Variants in HIPK3 observed in about 807,000 individuals in gnomAD.
HIPK3 encodes the protein homeodomain-interacting protein kinase 3.
A neutral mutation model predicts 124.2 loss-of-function variants in HIPK3; 47 were observed. The ratio of observed to expected loss-of-function variants is 0.38; its 90% CI spans 0.30 to 0.48. The LOEUF is 0.48. HIPK3 is among the 20% of genes least tolerant of loss of function. The probability of loss-of-function intolerance (pLI) is 0.98; values close to 1 mark genes in which losing one functional copy is unlikely to be tolerated. For synonymous variants in HIPK3, 482 were observed against 515.2 expected, an observed-to-expected ratio of 0.94 and a Z score of 0.87; for missense variants, 1,286 against 1,454.3, an observed-to-expected ratio of 0.88 and a Z score of 1.88.
In HIPK3 at chr11:33,353,741, G is replaced by A. The variant is rs1177784317; in HGVS notation, c.*173G>A. 4 of 576,938 alleles carry A rather than the reference G, an allele frequency of 6.9e-6. No individual in the cohort carries two copies. The East Asian group carries it at 1.2e-4, about 17-fold the overall frequency. The allele number at this position is 576,938 out of a possible 1,614,324, so 35.7% of individuals were successfully genotyped here. A position where few individuals can be genotyped will look rare whatever the true frequency, so the allele number is the denominator to read the frequency against. ...ACTTTTGATGTGTTTTGCACATTTG[G>A]TATAACTTGTCTTTGGTCATGTTAT... On this transcript the variant is annotated 3_prime_UTR_variant, in exon 17 of 17. Coordinates refer to ENST00000303296, the MANE Select transcript of HIPK3 (RefSeq NM_005734.5).
At chr11:33,338,953 T>C (rs1421965795) in intron 5 of HIPK3, 110 bp downstream of exon 5, 4 of 633,842 alleles carry the variant, frequency 6.3e-6, no homozygotes, top group Non-Finnish European at 1.1e-5. Flanking sequence ...GAGTCCATGC[T>C]GTTTTTAAGT....
chr11:33,258,649 T>C, intron 1 of HIPK3: 1 of 985,236 alleles, frequency 1.0e-6, no homozygotes, highest in Non-Finnish European at 1.2e-6. Context: ...TGGATGAAAA[T>C]GTCTGTTTCT....
chr11:33,258,591 T>C, intron 1 of HIPK3: 1 of 985,394 alleles, frequency 1.0e-6, no homozygotes. Context: ...TTACGGTGGC[T>C]GCCGCCCGCT....
chr11:33,256,800 T>TGA (rs34216605), upstream of HIPK3: 511,020 of 724,752 alleles, frequency 0.71, 181,749 homozygotes, highest in Non-Finnish European at 0.72. Flanking sequence ...GAGATGCTCT[T>TGA]AAAATTTCCA....
intron 1 of HIPK3, among the ~76,000 whole-genome samples, chr11:33,267,786 G>T (rs1851011462): frequency 1.3e-5 from 2 of 152,214 alleles, no homozygotes; most frequent in Admixed American, 6.5e-5. Flanking sequence ...ATGAGCCACC[G>T]TACCCGGCCG....
intron 2 of HIPK3, among the ~76,000 whole-genome samples, chr11:33,301,152 A>G (rs532037117): frequency 1.3e-5 from 2 of 152,296 alleles, no homozygotes; most frequent in African/African-American, 4.8e-5. Context: ...CTCATTAGCC[A>G]CAATATGTTA....
chr11:33,310,397 C>G (rs531363529), intron 2 of HIPK3, among the ~76,000 whole-genome samples: 1 of 152,172 alleles, frequency 6.6e-6, no homozygotes, highest in Non-Finnish European at 1.5e-5. Context: ...CTTCCACATC[C>G]CAGGTTCAAG....
chr11:33,270,584 A>C (rs1474060864), intron 1 of HIPK3, among the ~76,000 whole-genome samples: 1 of 152,264 alleles, frequency 6.6e-6, no homozygotes, highest in Non-Finnish European at 1.5e-5. Flanking sequence ...AACAGTGAAA[A>C]AAATTGGAAA....
At chr11:33,278,460 A>G (rs1032563882) in intron 1 of HIPK3, among the ~76,000 whole-genome samples, 1 of 152,172 alleles carries the variant, frequency 6.6e-6, no homozygotes, top group East Asian at 1.9e-4. Context: ...ACTGTGAGAA[A>G]TAACTGGATC....
At chr11:33,275,061 A>C (rs997053129) in intron 1 of HIPK3, among the ~76,000 whole-genome samples, 1 of 150,582 alleles carries the variant, frequency 6.6e-6, no homozygotes, top group African/African-American at 2.4e-5. Flanking sequence ...TTTTTTTGAG[A>C]TGGAGTCTTG....
chr11:33,278,702 G>T (rs187825868), intron 1 of HIPK3, among the ~76,000 whole-genome samples: 5 of 152,152 alleles, frequency 3.3e-5, no homozygotes, highest in African/African-American at 1.2e-4. Context: ...AAATTAGCCG[G>T]GCGTGGTGGT....
At chr11:33,328,341 G>A (rs1442328505) in intron 2 of HIPK3, among the ~76,000 whole-genome samples, 169 bp from the exon 3 acceptor site, 2 of 152,182 alleles carry the variant, frequency 1.3e-5, no homozygotes, top group Admixed American at 1.3e-4. Context: ...ACCCCTTTCA[G>A]ATTAATTCAG....
chr11:33,303,392 A>G (rs1380333090), intron 2 of HIPK3, among the ~76,000 whole-genome samples: 9 of 152,234 alleles, frequency 5.9e-5, no homozygotes, highest in Admixed American at 5.2e-4. Flanking sequence ...GGTTAAGACC[A>G]TGAGTGTAGA....
intron 2 of HIPK3, among the ~76,000 whole-genome samples, chr11:33,299,431 C>T (rs953117323): frequency 4.2e-4 from 63 of 151,744 alleles, no homozygotes; most frequent in African/African-American, 1.4e-3. Context: ...GAGATCATGC[C>T]ACTGCAATTC....
chr11:33,336,283 G>A (rs1721682852), intron 3 of HIPK3, among the ~76,000 whole-genome samples: 1 of 152,160 alleles, frequency 6.6e-6, no homozygotes, highest in African/African-American at 2.4e-5. Flanking sequence ...CCTGAAGCTG[G>A]AGTTTTTTAG....
At chr11:33,278,205 A>AT (rs1387941855) in intron 1 of HIPK3, among the ~76,000 whole-genome samples, 2 of 152,188 alleles carry the variant, frequency 1.3e-5, no homozygotes, top group African/African-American at 4.8e-5. Flanking sequence ...AAAATTATAA[A>AT]TCTTTATGAA....
intron 2 of HIPK3, among the ~76,000 whole-genome samples, chr11:33,292,107 A>G (rs987641252): frequency 6.6e-6 from 1 of 152,228 alleles, no homozygotes; most frequent in Non-Finnish European, 1.5e-5. Flanking sequence ...CCGTGTATGT[A>G]TAATGCATCA....
chr11:33,259,701 A>T (rs570084572), intron 1 of HIPK3, among the ~76,000 whole-genome samples: 203 of 151,206 alleles, frequency 1.3e-3, no homozygotes, highest in Middle Eastern at 7.0e-3. Flanking sequence ...ATTTATGTTA[A>T]GGCAGAGATG....
chr11:33,281,204 G>T (rs1474411535), intron 1 of HIPK3, among the ~76,000 whole-genome samples: 2 of 151,806 alleles, frequency 1.3e-5, no homozygotes, highest in African/African-American at 4.8e-5. Context: ...CGAGTAGCTG[G>T]GATTACAGGC....
Sources: allele counts gnomAD v4.1 joint callset (sites outside exome capture counted in the v4.1 genomes callset), GRCh38; gene constraint gnomAD v4.1.1; transcripts MANE v1.5; gene names NCBI Gene and HGNC (gene_info 2026-07-23, HGNC 2026-07-21).